KCNB2: variants seen among roughly 807,000 people sequenced by gnomAD.
KCNB2 encodes delayed rectifier potassium channel protein.
KCNB2 carries 15 observed loss-of-function variants against 61.5 expected under a neutral mutation model. The observed-to-expected ratio is 0.24, with a 90% CI of 0.16 to 0.38. KCNB2 has a LOEUF of 0.38. Ranked by LOEUF, KCNB2 falls within the 10% of genes least tolerant of loss-of-function variation. The pLI, the probability that KCNB2 is intolerant of heterozygous loss-of-function variation, is 1.00. For synonymous variants in KCNB2, 457 were observed against 446.0 expected, an observed-to-expected ratio of 1.02 and a Z score of -0.31; for missense variants, 828 against 1,125.2, an observed-to-expected ratio of 0.74 and a Z score of 3.78.
intron 2 of KCNB2, among the ~76,000 whole-genome samples, chr8:72,730,041 G>T (rs1163633823): frequency 6.6e-6 from 1 of 152,120 alleles, no homozygotes; most frequent in Non-Finnish European, 1.5e-5. Context: ...CTGTGGTGCT[G>T]TTGTTTTTGG....
chr8:72,659,987 A>G (rs1194303721), intron 2 of KCNB2, among the ~76,000 whole-genome samples: 1 of 152,224 alleles, frequency 6.6e-6, no homozygotes, highest in East Asian at 1.9e-4. Context: ...TCCCTGTAAA[A>G]TTAAATGGAC....
chr8:72,854,938 T>C (rs1396014265), intron 2 of KCNB2, among the ~76,000 whole-genome samples: 1 of 152,198 alleles, frequency 6.6e-6, no homozygotes. Context: ...AAGATCCATC[T>C]CAGTCCAGTG....
intron 2 of KCNB2, among the ~76,000 whole-genome samples, chr8:72,628,713 T>C (rs150786018): frequency 0.012 from 1,754 of 152,278 alleles, 131 homozygotes; most frequent in Admixed American, 0.11. Flanking sequence ...TTCATTCTTA[T>C]ATCTAGCTAA....
chr8:72,561,731 ATATC>A (rs1304167230), intron 1 of KCNB2, among the ~76,000 whole-genome samples: 3,153 of 21,148 alleles, frequency 0.15, 431 homozygotes, highest in African/African-American at 0.43. Flanking sequence ...ATATATATCT[ATATC>A]TATATATATA....
At chr8:72,695,453 C>T (rs1807003841) in intron 2 of KCNB2, among the ~76,000 whole-genome samples, 1 of 152,048 alleles carries the variant, frequency 6.6e-6, no homozygotes, top group African/African-American at 2.4e-5. Context: ...AGAGAGTGAC[C>T]TGTTTGTCCA....
At chr8:72,599,111 A>G (rs1054607511) in intron 2 of KCNB2, among the ~76,000 whole-genome samples, 4 of 152,322 alleles carry the variant, frequency 2.6e-5, no homozygotes, top group African/African-American at 9.6e-5. Context: ...TAAAGTTCAT[A>G]CGGAACCAAA....
chr8:72,840,069 C>T (rs539788062), intron 2 of KCNB2, among the ~76,000 whole-genome samples: 1 of 152,244 alleles, frequency 6.6e-6, no homozygotes, highest in South Asian at 2.1e-4. Context: ...TAGCCCCCCA[C>T]CCTGCAACAG....
intron 2 of KCNB2, among the ~76,000 whole-genome samples, chr8:72,800,696 G>A (rs1809111777): frequency 6.6e-6 from 1 of 152,126 alleles, no homozygotes; most frequent in Admixed American, 6.6e-5. Context: ...TTTTTATAGA[G>A]ATTTTTGTCC....
At chr8:72,690,665 A>C (rs2128990025) in intron 2 of KCNB2, among the ~76,000 whole-genome samples, 1 of 152,322 alleles carries the variant, frequency 6.6e-6, no homozygotes, top group Non-Finnish European at 1.5e-5. Context: ...TTACCACAAA[A>C]ATTTATGTGA....
chr8:72,728,506 T>A (rs978741015), intron 2 of KCNB2, among the ~76,000 whole-genome samples: 5 of 152,148 alleles, frequency 3.3e-5, no homozygotes, highest in Admixed American at 3.3e-4. Flanking sequence ...AACACCTACA[T>A]GTATTATGTT....
At chr8:72,717,797 G>T (rs1034502888) in intron 2 of KCNB2, among the ~76,000 whole-genome samples, 10 of 152,144 alleles carry the variant, frequency 6.6e-5, no homozygotes, top group Non-Finnish European at 1.0e-4. Context: ...GGCAACAAAA[G>T]CCAAAATTGA....
At chr8:72,916,413 G>A (rs1806402311) in intron 2 of KCNB2, among the ~76,000 whole-genome samples, 1 of 152,158 alleles carries the variant, frequency 6.6e-6, no homozygotes, top group African/African-American at 2.4e-5. Context: ...GGGACGGGGA[G>A]CACAGGTGAG....
chr8:72,891,453 AT>A (rs1455333089), intron 2 of KCNB2, among the ~76,000 whole-genome samples: 2 of 152,194 alleles, frequency 1.3e-5, no homozygotes, highest in East Asian at 3.9e-4. Context: ...TGCTTATACA[AT>A]TAGGAATGGA....
rs754010044 is a variant in KCNB2, at chr8:72,936,681, G to C, written c.1326G>C (p.Arg442=). 1 of 1,614,148 alleles carries C rather than the reference G, an allele frequency of 6.2e-7. No homozygotes were observed. ...TTAAAAGGAGGGAGGCTCTTGAGCGGGCCAAAAGGAACGGAAGCATCGTTT... is the reference window on the plus strand; with the variant it reads ...TTAAAAGGAGGGAGGCTCTTGAGCGCGCCAAAAGGAACGGAAGCATCGTTT... The part of the protein sequence containing the change: ...KAIKRREALE[R]AKRNGSIVSM... The change falls in exon 3 of 3, where the codon CGG becomes CGC. Residue 442 remains arginine, a synonymous_variant. Transcript: ENST00000523207. The surrounding 1 kb of genome is among the most constrained non-coding windows in gnomAD (Gnocchi z 5.6).
At chr8:72,725,593 A>ATG (rs1225131935) in intron 2 of KCNB2, among the ~76,000 whole-genome samples, 746 of 32,026 alleles carry the variant, frequency 0.023, 10 homozygotes, top group African/African-American at 0.052. Context: ...ATATGTATGT[A>ATG]TATATATATA....
chr8:72,818,050 A>G (rs1388533928), intron 2 of KCNB2, among the ~76,000 whole-genome samples: 2 of 152,122 alleles, frequency 1.3e-5, no homozygotes, highest in Admixed American at 1.3e-4. Context: ...CATTTGATGG[A>G]TATATACAGA....
Position 72,919,714 on chromosome 8 carries a change from A to G in KCNB2, c.580-16221A>G, listed in dbSNP as rs568804985. ...TTACAGAAATATTTTAAACTTCTAC[A>G]TAGGAAGTAAGAAATTTAAACATGA... On this transcript the variant is annotated intron_variant, in intron 2 of 2. Transcript: ENST00000523207. 1.4e-4 allele frequency among the ~76,000 whole-genome samples: 22 copies of G among 152,332 alleles called. No individual in the cohort carries two copies. In the East Asian group the frequency reaches 2.3e-3, roughly 16 times the overall value.
intron 2 of KCNB2, among the ~76,000 whole-genome samples, chr8:72,787,691 C>A (rs996244912): frequency 2.0e-5 from 3 of 152,124 alleles, no homozygotes; most frequent in African/African-American, 7.2e-5. Flanking sequence ...ATGCAGAATT[C>A]TAACTGTCTA....
intron 2 of KCNB2, among the ~76,000 whole-genome samples, chr8:72,923,816 A>G (rs1229302715): frequency 2.6e-5 from 4 of 152,232 alleles, no homozygotes; most frequent in Admixed American, 2.6e-4. Flanking sequence ...CTAACATTAT[A>G]TAGTAGTTAA....
Sources: allele counts gnomAD v4.1 joint callset (sites outside exome capture counted in the v4.1 genomes callset), GRCh38; gene constraint gnomAD v4.1.1; non-coding constraint Gnocchi (gnomAD v3.1); transcripts MANE v1.5; gene names NCBI Gene and HGNC (gene_info 2026-07-23, HGNC 2026-07-21).